The following EDRF1 variants were observed in gnomAD, a reference collection of about 807,000 sequenced individuals.
EDRF1 encodes the protein erythroid differentiation regulatory factor 1, also known as erythroid differentiation-related factor 1.
In EDRF1, 69 loss-of-function variants were observed where a neutral mutation model predicts 148.7. The ratio of observed to expected loss-of-function variants is 0.46; its 90% CI spans 0.38 to 0.57. The LOEUF is 0.57. Among genes scored for constraint, EDRF1 ranks in the 20% least tolerant of loss-of-function variants. The pLI is 0.00. For synonymous variants in EDRF1, 515 were observed against 532.8 expected (o/e 0.97, Z 0.46); for missense variants, 1,118 against 1,478.7 (o/e 0.76, Z 4.00).
chr10:125,748,932 C>A, intron 21 of EDRF1: 1 of 218,360 alleles, frequency 4.6e-6, no homozygotes, highest in South Asian at 7.1e-5. Flanking sequence ...CTGGGCAAAC[C>A]TGAATTTTGG....
rs200830388 is a variant in EDRF1 at position 125,719,914 on chromosome 10, A to C, written c.107A>C (p.Gln36Pro). The C allele has an allele frequency of 9.9e-6, 16 of 1,612,414 alleles. No individual in the cohort carries two copies. In the Admixed American group the frequency reaches 2.7e-4, roughly 27 times the overall value. The part of the protein sequence containing the change: ...SQGESEESSA[Q>P]GSALFLGGNE... ...GGAGAATCCGAGGAATCTTCTGCAC[A>C]GGTGAGTCCTCCGCGGAGGGGGACC... The change falls in exon 1 of 25, where the codon CAG becomes CCG. Residue 36 changes from glutamine to proline, a missense_variant and splice_region_variant. By Grantham distance (76) the Gln-to-Pro change is moderately conservative (BLOSUM62 -1). Around this residue, in one of 3 missense-constraint regions of EDRF1, gnomAD observed 65 missense variants for 50.3 expected, o/e 1.29. Transcript: ENST00000356792.
intron 22 of EDRF1, among the ~76,000 whole-genome samples, chr10:125,751,406 T>G (rs1321553376): frequency 2.0e-5 from 3 of 150,594 alleles, no homozygotes; most frequent in African/African-American, 7.4e-5. Context: ...TACCCAGTGT[T>G]TTTTTTTTTG....
intron 12 of EDRF1, 108 bp downstream of exon 12, chr10:125,734,291 A>G: frequency 1.2e-6 from 1 of 842,822 alleles, no homozygotes; most frequent in East Asian, 2.5e-5. Context: ...TGCCCTATTC[A>G]GTGTGGTAGC....
At chr10:125,723,019 T>C in intron 2 of EDRF1, 49 bp from the exon 3 acceptor site, 1 of 1,411,532 alleles carries the variant, frequency 7.1e-7, no homozygotes, top group Non-Finnish European at 1.0e-6. Flanking sequence ...TCTACTTGCA[T>C]GATTATGAGC....
intron 12 of EDRF1, among the ~76,000 whole-genome samples, chr10:125,734,658 T>C (rs184716428): frequency 6.6e-6 from 1 of 152,102 alleles, no homozygotes; most frequent in Non-Finnish European, 1.5e-5. Flanking sequence ...AGGGTTCACA[T>C]TCCACACTTC....
chr10:125,757,746 G>T (rs1240778396), intron 24 of EDRF1, among the ~76,000 whole-genome samples: 1 of 152,172 alleles, frequency 6.6e-6, no homozygotes, highest in East Asian at 1.9e-4. Context: ...CTTTAAAGAT[G>T]TCACTCCATT....
Position 125,747,569 on chromosome 10 carries a change from TTGGGAACAC to T in EDRF1, c.2849_2857del (p.Leu950_Arg953delinsTer). On this transcript the variant is annotated stop_gained and inframe_deletion, in exon 20 of 25. Transcript: ENST00000356792. LOFTEE classifies it high-confidence loss of function. The stretch of plus-strand genomic sequence containing the variant: ...TTACTATTTGAAAGCGCTAAGGTCA[TTGGGAACAC>T]GAGACATACACCCAGCTGTTTGGGA... 6.2e-7 allele frequency: 1 copy of T among 1,614,182 alleles called. No homozygotes were observed. The highest frequency in any genetic ancestry group is 8.5e-7 in the Non-Finnish European group (1 of 1,180,028).
chr10:125,723,714 T>C (rs1848116655), intron 3 of EDRF1, 97 bp from the exon 4 acceptor site: 15 of 1,285,280 alleles, frequency 1.2e-5, no homozygotes, highest in Non-Finnish European at 1.7e-5. Flanking sequence ...GGAAATAAGG[T>C]TTATTATGCT....
intron 3 of EDRF1, among the ~76,000 whole-genome samples, chr10:125,723,540 G>A (rs182445641): frequency 5.9e-4 from 90 of 152,228 alleles, no homozygotes; most frequent in Non-Finnish European, 1.1e-3. Context: ...ACAGTGTGAC[G>A]TATACACCCT....
At chr10:125,733,224 G>A (rs760269800) in intron 9 of EDRF1, among the ~76,000 whole-genome samples, 180 bp from the exon 10 acceptor site, 17 of 152,262 alleles carry the variant, frequency 1.1e-4, no homozygotes, top group Non-Finnish European at 2.4e-4. Flanking sequence ...CTGATGGGGT[G>A]GATGAGATTC....
chr10:125,741,245 C>T (rs776694307), intron 17 of EDRF1, 44 bp downstream of exon 17: 30 of 1,506,274 alleles, frequency 2.0e-5, no homozygotes, highest in African/African-American at 2.8e-5. Context: ...TGGGACTGTG[C>T]AGTCTAGCTC....
intron 21 of EDRF1, chr10:125,749,053 G>A (rs1256267897): frequency 3.3e-6 from 1 of 306,410 alleles, no homozygotes; most frequent in Non-Finnish European, 6.3e-6. Flanking sequence ...GAGTTAGAGA[G>A]CAGCCTAGCC....
chr10:125,726,478 C>T (rs1848261807), intron 6 of EDRF1, among the ~76,000 whole-genome samples: 1 of 152,084 alleles, frequency 6.6e-6, no homozygotes, highest in African/African-American at 2.4e-5. Flanking sequence ...CTGTATCTAT[C>T]AAAGAATAAA....
intron 9 of EDRF1, among the ~76,000 whole-genome samples, chr10:125,733,105 A>G (rs1340430956): frequency 6.6e-6 from 1 of 152,242 alleles, no homozygotes; most frequent in African/African-American, 2.4e-5. Context: ...AAAAGTAGTC[A>G]GTATGATTTG....
chr10:125,747,802 T>C, intron 20 of EDRF1, 61 bp from the exon 21 acceptor site: 1 of 1,611,978 alleles, frequency 6.2e-7, no homozygotes, highest in South Asian at 1.1e-5. Flanking sequence ...TTAAACGTTT[T>C]AAAAACTCCT....
intron 2 of EDRF1, among the ~76,000 whole-genome samples, 194 bp from the exon 3 acceptor site, chr10:125,722,872 GAC>G (rs1399770400): frequency 6.6e-6 from 1 of 151,986 alleles, no homozygotes; most frequent in East Asian, 1.9e-4. Flanking sequence ...TTGACTTTAA[GAC>G]ACACCATTAT....
In EDRF1 at chr10:125,725,845, A is replaced by G. The variant is rs1183251104; in HGVS notation, c.792+7A>G. 1 of 1,612,320 alleles carries G rather than the reference A, an allele frequency of 6.2e-7. No homozygotes were observed. Among genetic ancestry groups the G allele is most frequent in the Non-Finnish European group, 8.5e-7 (1 of 1,179,942 alleles). On this transcript the variant is annotated splice_region_variant and intron_variant, in intron 6 of 24. Transcript: ENST00000356792. ...TCCCAGTGCTTCCAGTCAGGTTAGT[A>G]CTTAAATGCTAATTCTAGAAACTCA...
chr10:125,733,804 C>T (rs761895625), intron 11 of EDRF1, 61 bp downstream of exon 11: 9 of 1,461,796 alleles, frequency 6.2e-6, no homozygotes, highest in African/African-American at 1.4e-5. Context: ...TTAAAGCATA[C>T]AGTCACAGTT....
Position 125,723,908 on chromosome 10 carries a change from T to C in EDRF1, c.482T>C (p.Ile161Thr). The C allele has an allele frequency of 6.2e-7, 1 of 1,613,674 alleles. No individual in the cohort carries two copies. The highest frequency in any genetic ancestry group is 1.7e-5 in the Admixed American group (1 of 60,012). The change falls in exon 4 of 25, where the codon ATT becomes ACT. Residue 161 changes from isoleucine to threonine, a missense_variant. This residue lies in a region of EDRF1 where 99 missense variants were observed against 186.9 expected (regional missense o/e 0.53). Transcript: ENST00000356792. ...ACTCTCTTACTAGATGAGCTAGATATTCAAGAACTCTTTATGAGATCGTCT... is the reference window on the plus strand; with the variant it reads ...ACTCTCTTACTAGATGAGCTAGATACTCAAGAACTCTTTATGAGATCGTCT... ...GRTLLLDELD[I>T]QELFMRSSQT...
Sources: allele counts gnomAD v4.1 joint callset (sites outside exome capture counted in the v4.1 genomes callset), GRCh38; gene constraint gnomAD v4.1.1; regional missense constraint gnomAD v4.1.1; transcripts MANE v1.5; gene names NCBI Gene and HGNC (gene_info 2026-07-23, HGNC 2026-07-21).